Variants in VWA3B observed in about 807,000 individuals in gnomAD.
VWA3B encodes von Willebrand factor A domain containing 3B, also known as von Willebrand factor A domain-containing protein 3B.
A neutral mutation model predicts 158.3 loss-of-function variants in VWA3B; 138 were observed. That is an observed-to-expected ratio of 0.87 (90% CI 0.76 to 1.00). The LOEUF is 1.00. VWA3B is among the 50% of genes least tolerant of loss of function. The pLI is 0.00. For missense variants in VWA3B, 1,555 were observed against 1,565.1 expected (o/e 0.99, Z 0.11); for synonymous variants, 596 against 587.3 (o/e 1.01, Z -0.21).
intron 24 of VWA3B, among the ~76,000 whole-genome samples, chr2:98,298,688 A>C (rs1055355695): frequency 2.0e-5 from 3 of 152,246 alleles, no homozygotes; most frequent in African/African-American, 7.2e-5. Context: ...ATATGCACAA[A>C]TAAAGTAACA....
At chr2:98,302,968 AC>A (rs1690288285) in intron 25 of VWA3B, among the ~76,000 whole-genome samples, 1 of 152,140 alleles carries the variant, frequency 6.6e-6, no homozygotes, top group Admixed American at 6.5e-5. Flanking sequence ...CCAGAAAAAA[AC>A]CCCTTGGAGA....
chr2:98,165,720 G>T (rs1264804585), intron 8 of VWA3B, among the ~76,000 whole-genome samples: 1 of 152,122 alleles, frequency 6.6e-6, no homozygotes, highest in Non-Finnish European at 1.5e-5. Context: ...TGGGCTTAGG[G>T]CACTGGTTGC....
chr2:98,178,562 C>T (rs982614114), intron 8 of VWA3B, among the ~76,000 whole-genome samples: 6 of 152,176 alleles, frequency 3.9e-5, no homozygotes, highest in African/African-American at 1.4e-4. Context: ...ACAGTGAGTG[C>T]TACTTTTTAA....
intron 7 of VWA3B, among the ~76,000 whole-genome samples, chr2:98,139,103 G>A (rs903816483): frequency 2.0e-5 from 3 of 152,200 alleles, no homozygotes; most frequent in African/African-American, 7.2e-5. Flanking sequence ...CGGAGCAGCC[G>A]GCCGGCCCTG....
chr2:98,169,583 GATATT>G (rs1464690748), intron 8 of VWA3B, among the ~76,000 whole-genome samples: 1 of 152,174 alleles, frequency 6.6e-6, no homozygotes, highest in African/African-American at 2.4e-5. Context: ...AGGTGTATGA[GATATT>G]ATATGTCAAT....
At chr2:98,239,569 T>C (rs1335131919) in intron 19 of VWA3B, among the ~76,000 whole-genome samples, 1 of 151,760 alleles carries the variant, frequency 6.6e-6, no homozygotes, top group Non-Finnish European at 1.5e-5. Flanking sequence ...ATTTTTATTG[T>C]AGTACTTTTA....
At chr2:98,135,528 G>A (rs1279584259) in intron 7 of VWA3B, among the ~76,000 whole-genome samples, 2 of 150,766 alleles carry the variant, frequency 1.3e-5, no homozygotes, top group African/African-American at 4.9e-5. Context: ...GTAGAGACGG[G>A]GTTTCACCGT....
intron 2 of VWA3B, among the ~76,000 whole-genome samples, chr2:98,103,546 AT>A (rs566493968): frequency 8.5e-4 from 130 of 152,250 alleles, no homozygotes; most frequent in African/African-American, 3.1e-3. Context: ...ACTTTAAAAA[AT>A]GTGTTGTTTA....
chr2:98,224,422 C>A (rs1180786910), intron 14 of VWA3B, among the ~76,000 whole-genome samples: 1 of 151,988 alleles, frequency 6.6e-6, no homozygotes, highest in South Asian at 2.1e-4. Context: ...GGTAAAGGGA[C>A]CTGAATGGAA....
intron 21 of VWA3B, among the ~76,000 whole-genome samples, chr2:98,264,969 T>C (rs975272978): frequency 3.3e-5 from 5 of 150,552 alleles, no homozygotes; most frequent in African/African-American, 1.2e-4. Context: ...TTTCAATCCA[T>C]GAACACAAAA....
intron 26 of VWA3B, among the ~76,000 whole-genome samples, chr2:98,305,965 A>G (rs895162934): frequency 1.3e-5 from 2 of 151,896 alleles, no homozygotes; most frequent in African/African-American, 4.8e-5. Flanking sequence ...AGACCTGCCT[A>G]CCTTGCCTCA....
chr2:98,224,008 A>G (rs1214843783), intron 14 of VWA3B, among the ~76,000 whole-genome samples: 2 of 152,232 alleles, frequency 1.3e-5, no homozygotes, highest in Non-Finnish European at 2.9e-5. Flanking sequence ...GATTACAGGT[A>G]TTAGCAACCC....
intron 21 of VWA3B, among the ~76,000 whole-genome samples, chr2:98,259,055 TG>T (rs1687325831): frequency 6.6e-6 from 1 of 151,818 alleles, no homozygotes; most frequent in South Asian, 2.1e-4. Context: ...TCTACTAATG[TG>T]ATGTATTAAA....
At chr2:98,160,181 G>C (rs1383773776) in intron 7 of VWA3B, among the ~76,000 whole-genome samples, 1 of 152,110 alleles carries the variant, frequency 6.6e-6, no homozygotes, top group African/African-American at 2.4e-5. Flanking sequence ...GGCTATCTGA[G>C]ATCCCAACTA....
intron 12 of VWA3B, among the ~76,000 whole-genome samples, chr2:98,208,547 C>A (rs1232730660): frequency 6.6e-6 from 1 of 152,004 alleles, no homozygotes; most frequent in Non-Finnish European, 1.5e-5. Context: ...CTTAATAGTT[C>A]TATGTATTTC....
intron 2 of VWA3B, among the ~76,000 whole-genome samples, chr2:98,109,473 A>G (rs1673961316): frequency 6.6e-6 from 1 of 152,056 alleles, no homozygotes; most frequent in Non-Finnish European, 1.5e-5. Flanking sequence ...AAAATGTATT[A>G]TTTTATCTTC....
chr2:98,329,206 A>G, the VWA3B span, among the ~76,000 whole-genome samples: 2 of 152,248 alleles, frequency 1.3e-5, no homozygotes, highest in South Asian at 4.1e-4. Flanking sequence ...TAGATCATAG[A>G]CATAAATGTA....
At chr2:98,184,446 C>A (rs1195557797) in intron 9 of VWA3B, among the ~76,000 whole-genome samples, 4 of 152,220 alleles carry the variant, frequency 2.6e-5, no homozygotes, top group African/African-American at 9.6e-5. Context: ...CAATGCAATG[C>A]CTGGTTTCAC....
intron 8 of VWA3B, among the ~76,000 whole-genome samples, chr2:98,172,605 C>T (rs1679690696): frequency 6.6e-6 from 1 of 152,204 alleles, no homozygotes; most frequent in African/African-American, 2.4e-5. Flanking sequence ...CCAGCACTTT[C>T]CTTCCCCACT....
Sources: gnomAD v4.1 joint callset for allele counts (sites outside exome capture counted in the v4.1 genomes callset) on GRCh38, gnomAD v4.1.1 for gene constraint, MANE v1.5 for transcripts, NCBI Gene and HGNC (gene_info 2026-07-23, HGNC 2026-07-21) for gene names.